TLL1: variants seen among roughly 807,000 people sequenced by gnomAD.
TLL1 encodes the protein tolloid-like protein 1.
TLL1 carries 49 observed loss-of-function variants against 128.2 expected under a neutral mutation model. The ratio of observed to expected loss-of-function variants is 0.38; its 90% CI spans 0.30 to 0.48. The LOEUF is 0.48. Ranked by LOEUF, TLL1 falls within the 20% of genes least tolerant of loss-of-function variation. The pLI is 0.96. For synonymous variants in TLL1, 454 were observed against 418.8 expected (o/e 1.08, Z -1.03); for missense variants, 1,123 against 1,242.0 (o/e 0.90, Z 1.44).
chr4:166,030,647 A>G, intron 9 of TLL1: 2 of 798,488 alleles, frequency 2.5e-6, no homozygotes, highest in Non-Finnish European at 1.7e-6. Context: ...ACAGTCTTAT[A>G]TGTAGGTTTT....
At chr4:166,038,832 C>T (rs1048391591) in intron 9 of TLL1, among the ~76,000 whole-genome samples, 1 of 152,158 alleles carries the variant, frequency 6.6e-6, no homozygotes, top group Non-Finnish European at 1.5e-5. Context: ...GTATTTAAAA[C>T]ATTTCAACAT....
At chr4:165,907,015 G>C (rs1445815960) in intron 1 of TLL1, among the ~76,000 whole-genome samples, 4 of 152,124 alleles carry the variant, frequency 2.6e-5, no homozygotes, top group African/African-American at 4.8e-5. Context: ...ACTAAAACAT[G>C]TGAAACAAAA....
chr4:165,898,249 A>G (rs900273958), intron 1 of TLL1, among the ~76,000 whole-genome samples: 1 of 152,222 alleles, frequency 6.6e-6, no homozygotes, highest in Non-Finnish European at 1.5e-5. Context: ...TGCCCTGGCC[A>G]GAATTTCCAA....
chr4:165,888,974 T>C (rs1286159637), intron 1 of TLL1, among the ~76,000 whole-genome samples: 1 of 152,218 alleles, frequency 6.6e-6, no homozygotes, highest in Non-Finnish European at 1.5e-5. Flanking sequence ...AAGCTGGTTT[T>C]AGTCCTCTGC....
intron 1 of TLL1, among the ~76,000 whole-genome samples, chr4:165,914,112 A>ATG (rs1732669485): frequency 6.6e-6 from 1 of 152,054 alleles, no homozygotes; most frequent in Non-Finnish European, 1.5e-5. Flanking sequence ...TCAAGAAATG[A>ATG]TGTTTAAACT....
chr4:165,896,160 C>T (rs1354269194), intron 1 of TLL1, among the ~76,000 whole-genome samples: 2 of 152,076 alleles, frequency 1.3e-5, no homozygotes. Context: ...TCAATTCCAG[C>T]TTATGAGTGA....
At chr4:165,988,761 T>G (rs1160472844) in intron 1 of TLL1, among the ~76,000 whole-genome samples, 1 of 152,138 alleles carries the variant, frequency 6.6e-6, no homozygotes, top group Non-Finnish European at 1.5e-5. Flanking sequence ...CATCTAGTTG[T>G]TGCCTAAATA....
Position 166,053,550 on chromosome 4 carries a change from C to A in TLL1, c.1525-1526C>A, listed in dbSNP as rs543301681. ...GAAGCAGCAAATGTAGTACCTAGTT[C>A]TAACTAAATCTGTGCTTCAAAGTGT... On this transcript the variant is annotated intron_variant, in intron 12 of 20. Transcript: ENST00000061240. Among the ~76,000 whole-genome samples, 6 of 152,184 alleles carry A rather than the reference C, an allele frequency of 3.9e-5. No homozygotes were observed. The South Asian group carries it at 8.3e-4, about 21-fold the overall frequency.
intron 19 of TLL1, among the ~76,000 whole-genome samples, chr4:166,094,635 C>T (rs975556425): frequency 2.0e-5 from 3 of 152,104 alleles, no homozygotes; most frequent in Non-Finnish European, 4.4e-5. Flanking sequence ...AAGTTAATAA[C>T]AGTTGAAATT....
chr4:166,056,947 T>C (rs530534301), intron 13 of TLL1, among the ~76,000 whole-genome samples: 25 of 152,274 alleles, frequency 1.6e-4, no homozygotes, highest in Middle Eastern at 6.8e-3. Context: ...TTTGGAACCA[T>C]TAAGCATGGT....
At chr4:165,993,055 C>T in intron 3 of TLL1, 171 bp downstream of exon 3, 2 of 593,416 alleles carry the variant, frequency 3.4e-6, no homozygotes, top group East Asian at 2.9e-5. Context: ...CCTTTTAGAA[C>T]TCATTTGGAA....
chr4:165,896,815 T>G lies in TLL1; in HGVS notation c.169+22742T>G, dbSNP rs1014564677. On this transcript the variant is annotated intron_variant, in intron 1 of 20. Transcript: ENST00000061240. The stretch of plus-strand genomic sequence containing the variant: ...GGTATTTCTGGTTCTAGATCCTTGA[T>G]GAATCGCCACACTGTCTTTCACAAT... Among the ~76,000 whole-genome samples the G allele has an allele frequency of 3.3e-5, 5 of 152,214 alleles. No individual in the cohort carries two copies. The East Asian group carries it at 7.7e-4, about 24-fold the overall frequency.
At chr4:165,880,016 C>T (rs1483377468) in intron 1 of TLL1, among the ~76,000 whole-genome samples, 6 of 152,082 alleles carry the variant, frequency 3.9e-5, no homozygotes, top group African/African-American at 1.2e-4. Context: ...ATATGGCTTT[C>T]GTGGTTTTTG....
At chr4:165,967,053 C>A (rs1186197490) in intron 1 of TLL1, among the ~76,000 whole-genome samples, 2 of 152,116 alleles carry the variant, frequency 1.3e-5, no homozygotes, top group African/African-American at 4.8e-5. Flanking sequence ...AGTTTAGATA[C>A]TTCCCCCTAG....
intron 1 of TLL1, among the ~76,000 whole-genome samples, chr4:165,976,034 C>CAAAA (rs1169297533): frequency 0.081 from 5,854 of 71,856 alleles, 1,009 homozygotes; most frequent in Admixed American, 0.19. Flanking sequence ...GATTCCATCT[C>CAAAA]AAAAAAAAAA....
chr4:165,936,020 T>C (rs1369842596), intron 1 of TLL1, among the ~76,000 whole-genome samples: 4 of 145,698 alleles, frequency 2.7e-5, no homozygotes, highest in African/African-American at 9.9e-5. Flanking sequence ...TGGTTTTAAC[T>C]TTTTTTTTTT....
At chr4:166,028,757 ACT>A (rs1365097776) in intron 9 of TLL1, among the ~76,000 whole-genome samples, 1 of 151,664 alleles carries the variant, frequency 6.6e-6, no homozygotes, top group Admixed American at 6.6e-5. Flanking sequence ...TTGGGTTAAA[ACT>A]CTATTTCGTC....
At chr4:165,967,710 A>C (rs1027794067) in intron 1 of TLL1, among the ~76,000 whole-genome samples, 1 of 152,192 alleles carries the variant, frequency 6.6e-6, no homozygotes, top group African/African-American at 2.4e-5. Context: ...ATGATGGGAC[A>C]TGCTGACAGG....
chr4:166,102,817 A>G lies in TLL1; in HGVS notation c.*1941A>G, dbSNP rs1046349400. 10 of 151,964 alleles carry G rather than the reference A, an allele frequency of 6.6e-5. No homozygotes were observed. Among genetic ancestry groups the G allele is most frequent in the African/African-American group, 1.2e-4 (5 of 41,424 alleles). 9.4% of individuals were successfully genotyped at this position (151,964 alleles called of 1,614,324 possible). On this transcript the variant is annotated 3_prime_UTR_variant, in exon 21 of 21. Transcript: ENST00000061240. ...TTATTGAATGTTACTTTGAAAATGT[A>G]TAACTATTGCCTGCAATGTAGATGA...
Sources: allele counts gnomAD v4.1 joint callset (sites outside exome capture counted in the v4.1 genomes callset), GRCh38; gene constraint gnomAD v4.1.1; transcripts MANE v1.5; gene names NCBI Gene and HGNC (gene_info 2026-07-23, HGNC 2026-07-21).